The following HCK variants were observed in gnomAD, a reference collection of about 807,000 sequenced individuals.
The protein encoded by HCK is tyrosine-protein kinase HCK.
A neutral mutation model predicts 70.4 loss-of-function variants in HCK; 40 were observed. That is an observed-to-expected ratio of 0.57 (90% confidence interval 0.44 to 0.74). The LOEUF is 0.74. Among genes scored for constraint, HCK ranks in the 30% least tolerant of loss-of-function variants. The pLI, the probability that HCK is intolerant of heterozygous loss-of-function variation, is 0.00. For missense variants in HCK, 568 were observed against 697.2 expected (o/e 0.81, Z 2.09); for synonymous variants, 245 against 263.2 (o/e 0.93, Z 0.67).
At chr20:32,093,532 CGTGT>C (rs1569007376) in intron 10 of HCK, among the ~76,000 whole-genome samples, 1 of 126,150 alleles carries the variant, frequency 7.9e-6, no homozygotes, top group African/African-American at 2.8e-5. Context: ...TGCATGTGCA[CGTGT>C]GTGTGTATGT....
chr20:32,071,088 T>C (rs1334415718), intron 1 of HCK, among the ~76,000 whole-genome samples: 2 of 152,260 alleles, frequency 1.3e-5, no homozygotes, highest in African/African-American at 4.8e-5. Context: ...TGACCTCATC[T>C]TGTTATTTAA....
At chr20:32,077,596 G>A (rs550873910) in intron 5 of HCK, among the ~76,000 whole-genome samples, 12 of 151,936 alleles carry the variant, frequency 7.9e-5, no homozygotes, top group East Asian at 7.7e-4. Context: ...GTGTGATCTC[G>A]GCTCACTGCA....
At chr20:32,083,743 C>T (rs1043844631) in intron 6 of HCK, 151 bp from the exon 7 acceptor site, 7 of 828,652 alleles carry the variant, frequency 8.4e-6, no homozygotes, top group African/African-American at 6.9e-5. Flanking sequence ...GCCCAGGATG[C>T]CTGGCTCCCA....
At chr20:32,061,215 C>T (rs2045369239) in intron 1 of HCK, among the ~76,000 whole-genome samples, 1 of 152,218 alleles carries the variant, frequency 6.6e-6, no homozygotes, top group Non-Finnish European at 1.5e-5. Context: ...AACTCCTGAC[C>T]TTGTGATTCG....
chr20:32,060,146 C>T (rs575323232), intron 1 of HCK, among the ~76,000 whole-genome samples: 1 of 152,234 alleles, frequency 6.6e-6, no homozygotes, highest in African/African-American at 2.4e-5. Flanking sequence ...CTGCTCCTCT[C>T]CCAGCAGAAG....
At chr20:32,081,047 C>G (rs1362479442) in intron 6 of HCK, among the ~76,000 whole-genome samples, 1 of 151,924 alleles carries the variant, frequency 6.6e-6, no homozygotes, top group African/African-American at 2.4e-5. Flanking sequence ...CATAATGGAG[C>G]CACTAGACTC....
chr20:32,089,046 G>A (rs2045828951), intron 10 of HCK, among the ~76,000 whole-genome samples: 1 of 152,186 alleles, frequency 6.6e-6, no homozygotes, highest in South Asian at 2.1e-4. Context: ...CAGCCTCCAG[G>A]GTCTCTCCAC....
At chr20:32,094,705 A>AG (rs1555877763) in intron 11 of HCK, among the ~76,000 whole-genome samples, 6 of 74,916 alleles carry the variant, frequency 8.0e-5, no homozygotes, top group African/African-American at 3.9e-4. Context: ...AAAAGAAAAG[A>AG]AAAGAAAGAA....
chr20:32,070,857 A>G (rs1052631892), intron 1 of HCK, among the ~76,000 whole-genome samples: 1 of 149,452 alleles, frequency 6.7e-6, no homozygotes, highest in Admixed American at 6.7e-5. Flanking sequence ...AGAGAGAAAG[A>G]GAGGAGGAAG....
rs538596746 is a variant in HCK, at chr20:32,093,717, G to A, written c.1093-146G>A. Reference sequence around the variant, plus strand: ...GGTTGATGGAGGAATGCCACCCTGAGCCCTGGGGCCCTCCCGACACAAAAG... The same window carrying A: ...GGTTGATGGAGGAATGCCACCCTGAACCCTGGGGCCCTCCCGACACAAAAG... On this transcript the variant is annotated intron_variant, in intron 10 of 12. Coordinates refer to ENST00000375852, the MANE Select transcript of HCK (RefSeq NM_002110.5). 8 of 702,110 alleles carry A rather than the reference G, an allele frequency of 1.1e-5. No individual in the cohort carries two copies. In the South Asian group the frequency reaches 1.2e-4, roughly 11 times the overall value. The allele number at this position is 702,110 out of a possible 1,614,324, so 43.5% of individuals were successfully genotyped here.
At position 32,086,117 on chromosome 20, in the gene HCK, T is replaced by A. The variant is rs367801192; in HGVS notation, c.836-511T>A. Among the ~76,000 whole-genome samples the A allele has an allele frequency of 1.4e-3, 207 of 152,328 alleles. 7 individuals carry two copies. In the South Asian group the frequency reaches 0.039, roughly 29 times the overall value. ...TCACTGCAAGCTCCGTCTCCTGGGT[T>A]CACACCATTCTCCTGCCTCAGCCTC... On this transcript the variant is annotated intron_variant, in intron 8 of 12. Transcript: ENST00000375852.
intron 12 of HCK, among the ~76,000 whole-genome samples, chr20:32,100,565 A>G (rs2046020226): frequency 6.6e-6 from 1 of 152,226 alleles, no homozygotes; most frequent in African/African-American, 2.4e-5. Flanking sequence ...TAGCTCTGCT[A>G]AATTTGAGTT....
At chr20:32,088,356 A>G (rs2045818443) in intron 9 of HCK, among the ~76,000 whole-genome samples, 4 of 152,202 alleles carry the variant, frequency 2.6e-5, no homozygotes, top group Admixed American at 2.0e-4. Context: ...TGTCTCAGTC[A>G]CAGAATCCAT....
rs1302217702 is a variant in HCK, at chr20:32,099,092, C to T, written c.1335C>T (p.Ile445=). Reference sequence around the variant, plus strand: ...AGTCAGACGTCTGGTCCTTTGGTATCCTGCTGATGGAGATCGTCACCTACG... The same window carrying T: ...AGTCAGACGTCTGGTCCTTTGGTATTCTGCTGATGGAGATCGTCACCTACG... The change falls in exon 12 of 13, where the codon ATC becomes ATT. Residue 445 remains isoleucine (I), a synonymous_variant. Coordinates refer to ENST00000375852, the MANE Select transcript of HCK (RefSeq NM_002110.5). 6.2e-7 allele frequency: 1 copy of T among 1,614,180 alleles called. No individual in the cohort carries two copies. The highest frequency in any genetic ancestry group is 1.7e-5 in the Admixed American group (1 of 60,018).
At chr20:32,079,090 G>A (rs2045671702) in intron 5 of HCK, among the ~76,000 whole-genome samples, 1 of 152,196 alleles carries the variant, frequency 6.6e-6, no homozygotes, top group Non-Finnish European at 1.5e-5. Flanking sequence ...CCCAGTGAAG[G>A]TGGGAATGGA....
intron 11 of HCK, among the ~76,000 whole-genome samples, chr20:32,094,518 A>T (rs991645114): frequency 6.6e-6 from 1 of 151,872 alleles, no homozygotes; most frequent in Non-Finnish European, 1.5e-5. Context: ...AGTCTCTACA[A>T]AAATTTAAGA....
At chr20:32,072,562 T>TAAA (rs2045557722) in intron 2 of HCK, 2 of 108,772 alleles carry the variant, frequency 1.8e-5, no homozygotes, top group Admixed American at 9.3e-5. Context: ...CCCTGTCTCT[T>TAAA]TAAAAAAAAA....
chr20:32,077,403 T>C (rs896580180), intron 5 of HCK, among the ~76,000 whole-genome samples: 3 of 152,218 alleles, frequency 2.0e-5, no homozygotes, highest in African/African-American at 7.2e-5. Flanking sequence ...AGATGCTTCC[T>C]CCTTATATAA....
chr20:32,073,243 C>G, intron 2 of HCK, 76 bp from the exon 3 acceptor site: 1 of 1,257,868 alleles, frequency 7.9e-7, no homozygotes, highest in Admixed American at 1.8e-5. Flanking sequence ...TCTTGGGTGT[C>G]CTTCTCAACA....
Sources: gnomAD v4.1 joint callset for allele counts (sites outside exome capture counted in the v4.1 genomes callset) on GRCh38, gnomAD v4.1.1 for gene constraint, MANE v1.5 for transcripts, NCBI Gene and HGNC (gene_info 2026-07-23, HGNC 2026-07-21) for gene names.